CDK5RAP2: variants seen among roughly 807,000 people sequenced by gnomAD.
CDK5RAP2 encodes CDK5 regulatory subunit-associated protein 2.
A neutral mutation model predicts 232.9 loss-of-function variants in CDK5RAP2; 147 were observed. The ratio of observed to expected loss-of-function variants is 0.63; its 90% CI spans 0.55 to 0.72. The LOEUF is 0.72. CDK5RAP2 is among the 30% of genes least tolerant of loss of function. The pLI, the probability that CDK5RAP2 is intolerant of heterozygous loss-of-function variation, is 0.00. For synonymous variants in CDK5RAP2, 833 were observed against 833.7 expected, an observed-to-expected ratio of 1.00 and a Z score of 0.01; for missense variants, 2,195 against 2,231.5, an observed-to-expected ratio of 0.98 and a Z score of 0.33.
At chr9:120,483,063 C>T (rs1466546105) in intron 14 of CDK5RAP2, among the ~76,000 whole-genome samples, 3 of 152,188 alleles carry the variant, frequency 2.0e-5, no homozygotes, top group Non-Finnish European at 2.9e-5. Context: ...GCAACAGCAA[C>T]CAACCCCCAC....
intron 36 of CDK5RAP2, chr9:120,390,050 C>G: frequency 2.1e-6 from 1 of 485,852 alleles, no homozygotes; most frequent in Non-Finnish European, 3.8e-6. Flanking sequence ...CTACAGCATG[C>G]TATGCCGGTT....
At chr9:120,478,318 C>T (rs1334473142) in intron 14 of CDK5RAP2, among the ~76,000 whole-genome samples, 9 of 152,184 alleles carry the variant, frequency 5.9e-5, no homozygotes, top group Non-Finnish European at 1.3e-4. Flanking sequence ...ATGTGTATAG[C>T]ATTTTATTGT....
In CDK5RAP2 at chr9:120,487,213, G is replaced by A. The variant is rs2038658529; in HGVS notation, c.1626+81C>T. The A allele has an allele frequency of 7.5e-6, 11 of 1,476,228 alleles. No individual in the cohort carries two copies. In the South Asian group the frequency reaches 9.1e-5, roughly 12 times the overall value. The allele number at this position is 1,476,228 out of a possible 1,614,324, so 91.4% of individuals were successfully genotyped here. A position where few individuals can be genotyped will look rare whatever the true frequency, so the allele number is the denominator to read the frequency against. ...ACAAGAAGGCATTTGAGGATCTCTA[G>A]ATCAAAGGAGTTATCAAATATGTTT... On this transcript the variant is annotated intron_variant, in intron 14 of 37. Coordinates refer to ENST00000349780, the MANE Select transcript of CDK5RAP2 (RefSeq NM_018249.6).
At chr9:120,390,468 C>T (rs975185647) in intron 36 of CDK5RAP2, among the ~76,000 whole-genome samples, 1 of 152,186 alleles carries the variant, frequency 6.6e-6, no homozygotes, top group Non-Finnish European at 1.5e-5. Flanking sequence ...CTGACACTGA[C>T]GCCCGGAGCA....
Position 120,536,680 on chromosome 9 carries a change from A to G in CDK5RAP2, c.508-154T>C, listed in dbSNP as rs113976847. The G allele has an allele frequency of 3.8e-3, 3,022 of 799,846 alleles. 56 individuals carry two copies. In the African/African-American group the frequency reaches 0.042, roughly 11 times the overall value. 49.5% of individuals were successfully genotyped at this position (799,846 alleles called of 1,614,324 possible). A position where few individuals can be genotyped will look rare whatever the true frequency, so the allele number is the denominator to read the frequency against. On this transcript the variant is annotated intron_variant, in intron 6 of 37. Transcript: ENST00000349780. The stretch of plus-strand genomic sequence containing the variant: ...TATACATGGAGAGAATCAGTAATAA[A>G]TACATTTGCCAGCCATTTTTCCCTC...
intron 9 of CDK5RAP2, 118 bp from the exon 10 acceptor site, chr9:120,528,043 T>G: frequency 7.3e-7 from 1 of 1,365,184 alleles, no homozygotes; most frequent in Non-Finnish European, 1.0e-6. Flanking sequence ...TGTCAACCTG[T>G]GATTAATGTT....
intron 12 of CDK5RAP2, among the ~76,000 whole-genome samples, chr9:120,509,691 T>G (rs1208160961): frequency 1.3e-5 from 2 of 152,208 alleles, no homozygotes; most frequent in African/African-American, 4.8e-5. Flanking sequence ...ATTTATGATG[T>G]GTCAAGTATT....
chr9:120,419,858 G>A lies in CDK5RAP2; in HGVS notation c.4107C>T (p.Phe1369=). The change falls in exon 27 of 38, where the codon TTC becomes TTT. Residue 1369 remains phenylalanine, a synonymous_variant. Transcript: ENST00000349780. ...LSDYETSEKS[F]FSRDQKQDNE... Reference sequence around the variant, plus strand: ...TATCTTGCTTCTGGTCTCGTGAGAAGAAGGACTTTTCAGATGTTTCATAAT... The same window carrying A: ...TATCTTGCTTCTGGTCTCGTGAGAAAAAGGACTTTTCAGATGTTTCATAAT... 6.2e-7 allele frequency: 1 copy of A among 1,613,826 alleles called. No homozygotes were observed. The highest frequency in any genetic ancestry group is 8.5e-7 in the Non-Finnish European group (1 of 1,179,676).
At chr9:120,575,241 T>G (rs1324811886) in intron 1 of CDK5RAP2, among the ~76,000 whole-genome samples, 2 of 152,058 alleles carry the variant, frequency 1.3e-5, no homozygotes, top group East Asian at 3.9e-4. Context: ...TTAGTAGAGA[T>G]GGAGATTCAC....
At chr9:120,407,469 G>A (rs999000806) in intron 31 of CDK5RAP2, 10 of 579,328 alleles carry the variant, frequency 1.7e-5, no homozygotes, top group South Asian at 6.1e-5. Flanking sequence ...ATTAATTTTC[G>A]CTTCTGGCCA....
In CDK5RAP2 at chr9:120,528,765, G is replaced by C. The variant is rs774730408; in HGVS notation, c.858C>G (p.Asn286Lys). Residue 286 changes from asparagine to lysine, a missense_variant, in exon 9 of 38, where the codon AAC becomes AAG. Asn to Lys is a moderately conservative substitution (Grantham distance 94). Coordinates refer to ENST00000349780, the MANE Select transcript of CDK5RAP2 (RefSeq NM_018249.6). ...AAQMEHQKERNSFEERIQALE... is the reference protein window; with the variant it reads ...AAQMEHQKERKSFEERIQALE... ...ATACCTGGATCCTCTCTTCAAAGCT[G>C]TTTCTCTCCTTCTGATGCTCCATTT... 3.1e-6 allele frequency: 5 copies of C among 1,609,064 alleles called. No homozygotes were observed. Among genetic ancestry groups the C allele is most frequent in the Non-Finnish European group, 4.3e-6 (5 of 1,175,328 alleles).
At chr9:120,563,462 T>C (rs760434167) in intron 3 of CDK5RAP2, among the ~76,000 whole-genome samples, 3 of 152,148 alleles carry the variant, frequency 2.0e-5, no homozygotes, top group Non-Finnish European at 4.4e-5. Flanking sequence ...AGGGCAGTGG[T>C]TGTAGTCAAC....
intron 12 of CDK5RAP2, among the ~76,000 whole-genome samples, chr9:120,512,645 C>T (rs748308680): frequency 3.3e-5 from 5 of 152,170 alleles, no homozygotes; most frequent in African/African-American, 4.8e-5. Context: ...TAATTACTGA[C>T]GGTTTGGCAT....
chr9:120,472,028 T>C lies in CDK5RAP2; in HGVS notation c.1728-150A>G, dbSNP rs370603766. Reference sequence around the variant, plus strand: ...CAGGTTTACTATAGAGAATTTTAAATACAACAGTATAAAGAAAACAAAAAT... The same window carrying C: ...CAGGTTTACTATAGAGAATTTTAAACACAACAGTATAAAGAAAACAAAAAT... On this transcript the variant is annotated intron_variant, in intron 15 of 37. Transcript: ENST00000349780. The C allele has an allele frequency of 9.0e-6, 9 of 995,606 alleles. No homozygotes were observed. In the African/African-American group the frequency reaches 1.3e-4, roughly 14 times the overall value. The allele number at this position is 995,606 out of a possible 1,614,324, so 61.7% of individuals were successfully genotyped here.
At chr9:120,426,211 T>C (rs947591934) in intron 25 of CDK5RAP2, among the ~76,000 whole-genome samples, 30 of 152,218 alleles carry the variant, frequency 2.0e-4, no homozygotes, top group African/African-American at 7.0e-4. Flanking sequence ...AAAAAGTATA[T>C]GAGACAGATC....
intron 12 of CDK5RAP2, among the ~76,000 whole-genome samples, chr9:120,505,158 G>A (rs2039751391): frequency 6.6e-6 from 1 of 151,906 alleles, no homozygotes; most frequent in Admixed American, 6.6e-5. Context: ...AACCAAGTCT[G>A]TCAGCATCAC....
intron 3 of CDK5RAP2, among the ~76,000 whole-genome samples, chr9:120,562,108 C>A (rs1465405079): frequency 6.6e-6 from 1 of 152,192 alleles, no homozygotes; most frequent in Admixed American, 6.5e-5. Context: ...CAGTTTTTCA[C>A]AATTATACAC....
rs550764221 is a variant in CDK5RAP2, at chr9:120,461,251, T to C, written c.2107-584A>G. On this transcript the variant is annotated intron_variant, in intron 18 of 37. Transcript: ENST00000349780. ...TTCCTCATCTCTAATGAGAAGAGTA[T>C]CACGCTTGCGTGACGATAACTTTAT... Among the ~76,000 whole-genome samples, 21 of 152,378 alleles carry C rather than the reference T, an allele frequency of 1.4e-4. No homozygotes were observed. In the South Asian group the frequency reaches 3.9e-3, roughly 29 times the overall value.
intron 14 of CDK5RAP2, among the ~76,000 whole-genome samples, chr9:120,482,194 G>A (rs2038357673): frequency 6.6e-6 from 1 of 152,162 alleles, no homozygotes; most frequent in Non-Finnish European, 1.5e-5. Context: ...ATGGATTTCT[G>A]ATGGATGGCA....
Sources: allele counts gnomAD v4.1 joint callset (sites outside exome capture counted in the v4.1 genomes callset), GRCh38; gene constraint gnomAD v4.1.1; transcripts MANE v1.5; gene names NCBI Gene and HGNC (gene_info 2026-07-23, HGNC 2026-07-21).